Variants in ABHD2 observed in about 807,000 individuals in gnomAD.
ABHD2 encodes monoacylglycerol lipase ABHD2.
ABHD2 carries 20 observed loss-of-function variants against 48.1 expected under a neutral mutation model. That is an observed-to-expected ratio of 0.42 (90% CI 0.29 to 0.60). ABHD2 has a LOEUF of 0.60. ABHD2 is among the 20% of genes least tolerant of loss of function. The probability of loss-of-function intolerance (pLI) is 0.24; values close to 1 mark genes in which losing one functional copy is unlikely to be tolerated. For missense variants in ABHD2, 405 were observed against 550.9 expected (o/e 0.74, Z 2.65); for synonymous variants, 209 against 214.2 (o/e 0.98, Z 0.21).
rs867516699 is a variant in ABHD2 at position 89,166,799 on chromosome 15, C to G, written c.539-9013C>G. Among the ~76,000 whole-genome samples, 1 of 152,174 alleles carries G rather than the reference C, an allele frequency of 6.6e-6. No homozygotes were observed. The highest frequency in any genetic ancestry group is 1.5e-5 in the Non-Finnish European group (1 of 68,036). ...CCTGAGCTACAGAGTGAGACCCTAT[C>G]TCTTAAAACAAACAAACATATATAC... On this transcript the variant is annotated intron_variant, in intron 5 of 10. Transcript: ENST00000352732. This position sits in a 1 kb window ranked among gnomAD's most constrained non-coding sequence, Gnocchi z 4.6.
chr15:89,067,555 T>C, the ABHD2 span, among the ~76,000 whole-genome samples: 1 of 152,114 alleles, frequency 6.6e-6, no homozygotes, highest in Non-Finnish European at 1.5e-5. Flanking sequence ...TTTCCACCCT[T>C]TGGCACAGAG....
At chr15:89,058,534 A>G in the ABHD2 span, among the ~76,000 whole-genome samples, 17 of 152,264 alleles carry the variant, frequency 1.1e-4, no homozygotes, top group Admixed American at 2.0e-4. Flanking sequence ...AGAAAGGAAC[A>G]TGGCCCGAGG....
At chr15:89,143,174 A>G (rs567436864) in intron 3 of ABHD2, among the ~76,000 whole-genome samples, 45 of 152,304 alleles carry the variant, frequency 3.0e-4, no homozygotes, top group African/African-American at 9.1e-4. Context: ...ACCAAGTCCA[A>G]TTCTCTAAGT....
the ABHD2 span, among the ~76,000 whole-genome samples, chr15:89,059,942 C>T: frequency 1.5e-3 from 222 of 152,248 alleles, 10 homozygotes; most frequent in East Asian, 0.041. Flanking sequence ...CTTGGTCTCC[C>T]AGTGCATTGG....
chr15:89,044,808 C>G, the ABHD2 span, among the ~76,000 whole-genome samples: 1 of 151,926 alleles, frequency 6.6e-6, no homozygotes, highest in African/African-American at 2.4e-5. Flanking sequence ...ATATTAGCCC[C>G]TTGTCAGATG....
rs1901450612 is a variant in ABHD2, at chr15:89,088,464, C to A, written c.-206C>A. On this transcript the variant is annotated 5_prime_UTR_variant, in exon 1 of 11. Coordinates refer to ENST00000352732, the MANE Select transcript of ABHD2 (RefSeq NM_152924.5). The surrounding 1 kb of genome is among the most constrained non-coding windows in gnomAD (Gnocchi z 6.8). ...CGGTAGCGGCGGGAGCTGCACTGGC[C>A]AGGGGTTCCGGCTGTATATCCATGA... 1 of 152,944 alleles carries A rather than the reference C, an allele frequency of 6.5e-6. No homozygotes were observed. Among genetic ancestry groups the A allele is most frequent in the Non-Finnish European group, 1.5e-5 (1 of 68,654 alleles). 9.5% of individuals were successfully genotyped at this position (152,944 alleles called of 1,614,324 possible).
Position 89,185,338 on chromosome 15 carries a change from A to C in ABHD2, c.723-86A>C, listed in dbSNP as rs1596158214. On this transcript the variant is annotated intron_variant, in intron 6 of 10. Coordinates refer to ENST00000352732, the MANE Select transcript of ABHD2 (RefSeq NM_152924.5). The surrounding 1 kb of genome is among the most constrained non-coding windows in gnomAD (Gnocchi z 5.9). ...GAGAGCCGGCCCTCTCCACACAAGC[A>C]CCTCACCCCATGGCTAGAGCCCCCT... 1 of 1,001,336 alleles carries C rather than the reference A, an allele frequency of 1.0e-6. No homozygotes were observed. 62.0% of individuals were successfully genotyped at this position (1,001,336 alleles called of 1,614,324 possible).
rs2050501870 is a variant in ABHD2, at chr15:89,146,926, T to C, written c.195-4751T>C. On this transcript the variant is annotated intron_variant, in intron 3 of 10. Transcript: ENST00000352732. This position sits in a 1 kb window ranked among gnomAD's most constrained non-coding sequence, Gnocchi z 4.2. The stretch of plus-strand genomic sequence containing the variant: ...ATTTTTATAGAACTAAACAAGCTAA[T>C]CCTATAATTAATCTGGAAAATAAAA... 6.6e-6 allele frequency among the ~76,000 whole-genome samples: 1 copy of C among 152,210 alleles called. No individual in the cohort carries two copies. Among genetic ancestry groups the C allele is most frequent in the Non-Finnish European group, 1.5e-5 (1 of 68,030 alleles).
chr15:89,096,203 G>A (rs998382814), intron 1 of ABHD2, among the ~76,000 whole-genome samples: 3 of 152,182 alleles, frequency 2.0e-5, no homozygotes, highest in Admixed American at 6.5e-5. Context: ...AGGTATTTCA[G>A]GTCTGAAAAA....
chr15:89,155,910 C>G lies in ABHD2; in HGVS notation c.538+376C>G, dbSNP rs1420068081. 6.6e-6 allele frequency among the ~76,000 whole-genome samples: 1 copy of G among 152,128 alleles called. No individual in the cohort carries two copies. The highest frequency in any genetic ancestry group is 2.4e-5 in the African/African-American group (1 of 41,422). On this transcript the variant is annotated intron_variant, in intron 5 of 10. Coordinates refer to ENST00000352732, the MANE Select transcript of ABHD2 (RefSeq NM_152924.5). This position sits in a 1 kb window ranked among gnomAD's most constrained non-coding sequence, Gnocchi z 4.9. ...CCTCAGGACTCTTGTGACTGACAGG[C>G]AAGGGTGTGATGAGGCATGTGAATG...
chr15:89,156,391 G>T (rs1040440699), intron 5 of ABHD2, among the ~76,000 whole-genome samples: 1 of 148,398 alleles, frequency 6.7e-6, no homozygotes, highest in Non-Finnish European at 1.5e-5. Context: ...GAAGTGCTGG[G>T]ATTACAGGCA....
At chr15:89,132,387 T>C (rs976368539) in intron 3 of ABHD2, among the ~76,000 whole-genome samples, 1 of 152,208 alleles carries the variant, frequency 6.6e-6, no homozygotes, top group Admixed American at 6.5e-5. Context: ...GGATAGAATT[T>C]TATGCAGACG....
intron 3 of ABHD2, among the ~76,000 whole-genome samples, chr15:89,122,954 C>T (rs2050075105): frequency 1.3e-5 from 2 of 152,190 alleles, no homozygotes; most frequent in Non-Finnish European, 2.9e-5. Context: ...CTGCAGAGTC[C>T]AGAGAAGGGA....
Position 89,167,911 on chromosome 15 carries a change from C to T in ABHD2, c.539-7901C>T, listed in dbSNP as rs1361942154. Reference sequence around the variant, plus strand: ...TATTCAAGTACCTCTTTCATGTCCCCTGCTTACTCATGCTGGCGAGTACTG... The same window carrying T: ...TATTCAAGTACCTCTTTCATGTCCCTTGCTTACTCATGCTGGCGAGTACTG... On this transcript the variant is annotated intron_variant, in intron 5 of 10. Coordinates refer to ENST00000352732, the MANE Select transcript of ABHD2 (RefSeq NM_152924.5). This position sits in a 1 kb window ranked among gnomAD's most constrained non-coding sequence, Gnocchi z 5.5. Among the ~76,000 whole-genome samples, 1 of 152,230 alleles carries T rather than the reference C, an allele frequency of 6.6e-6. No homozygotes were observed. The highest frequency in any genetic ancestry group is 1.5e-5 in the Non-Finnish European group (1 of 68,040).
the ABHD2 span, among the ~76,000 whole-genome samples, chr15:89,052,943 G>T: frequency 6.6e-6 from 1 of 151,798 alleles, no homozygotes; most frequent in East Asian, 1.9e-4. Flanking sequence ...CGTAGTCCAG[G>T]AAGGGAGCTA....
At chr15:89,084,626 A>G (rs1005663482), upstream of ABHD2, among the ~76,000 whole-genome samples, 10 of 152,164 alleles carry the variant, frequency 6.6e-5, no homozygotes, top group Non-Finnish European at 1.2e-4. The surrounding 1 kb of genome is among the most constrained non-coding windows in gnomAD (Gnocchi z 4.4). Context: ...AATAAAGTCT[A>G]TCTATATTTT....
At chr15:89,077,869 C>G in the ABHD2 span, among the ~76,000 whole-genome samples, 1 of 152,148 alleles carries the variant, frequency 6.6e-6, no homozygotes, top group Non-Finnish European at 1.5e-5. Context: ...TTATCTTGTA[C>G]TGTGGACAGC....
chr15:89,121,101 A>G (rs189944656), intron 3 of ABHD2, among the ~76,000 whole-genome samples: 1 of 152,356 alleles, frequency 6.6e-6, no homozygotes, highest in Admixed American at 6.5e-5. Context: ...GGCTGCTGGC[A>G]ACAGTTGGGC....
chr15:89,201,381 C>G lies in ABHD2; in HGVS notation c.*5958C>G. 1 of 1,128,396 alleles carries G rather than the reference C, an allele frequency of 8.9e-7. No homozygotes were observed. The highest frequency in any genetic ancestry group is 1.3e-6 in the Non-Finnish European group (1 of 749,926). 69.9% of individuals were successfully genotyped at this position (1,128,396 alleles called of 1,614,324 possible). A position where few individuals can be genotyped will look rare whatever the true frequency, so the allele number is the denominator to read the frequency against. ...TGCTTAGATGCATTCAGTGGGACAG[C>G]TTTGCTGGGTTCCATGTCATTCAAT... On this transcript the variant is annotated 3_prime_UTR_variant, in exon 11 of 11. Transcript: ENST00000352732.
Sources: gnomAD v4.1 joint callset for allele counts (sites outside exome capture counted in the v4.1 genomes callset) on GRCh38, gnomAD v4.1.1 for gene constraint, Gnocchi (gnomAD v3.1) non-coding constraint, MANE v1.5 for transcripts, NCBI Gene and HGNC (gene_info 2026-07-23, HGNC 2026-07-21) for gene names.